Variants in PRICKLE2 observed in about 807,000 individuals in gnomAD.
The protein encoded by PRICKLE2 is prickle-like protein 2.
A neutral mutation model predicts 81.4 loss-of-function variants in PRICKLE2; 21 were observed. The observed-to-expected ratio is 0.26, with a 90% CI of 0.18 to 0.37. The LOEUF (loss-of-function observed/expected upper bound fraction) is 0.37. Among genes scored for constraint, PRICKLE2 ranks in the 10% least tolerant of loss-of-function variants. The pLI is 1.00. For synonymous variants in PRICKLE2, 456 were observed against 421.5 expected, an observed-to-expected ratio of 1.08 and a Z score of -1.00; for missense variants, 940 against 1,109.0, an observed-to-expected ratio of 0.85 and a Z score of 2.16.
At chr3:64,212,122 C>T (rs1575672564) in intron 1 of PRICKLE2, among the ~76,000 whole-genome samples, 1 of 152,208 alleles carries the variant, frequency 6.6e-6, no homozygotes, top group African/African-American at 2.4e-5. Context: ...GTCTCCATGG[C>T]AACACTACTA....
At chr3:64,263,113 C>T (rs551392393) in intron 2 of PRICKLE2, among the ~76,000 whole-genome samples, 1 of 152,202 alleles carries the variant, frequency 6.6e-6, no homozygotes, top group African/African-American at 2.4e-5. Flanking sequence ...GTTCCACGCA[C>T]ACATGGCGCC....
At chr3:64,172,958 T>C (rs146932047) in intron 2 of PRICKLE2, among the ~76,000 whole-genome samples, 1 of 152,174 alleles carries the variant, frequency 6.6e-6, no homozygotes, top group Non-Finnish European at 1.5e-5. Flanking sequence ...ACTCCAGAAC[T>C]GTGAGAAAAT....
chr3:64,186,789 G>T (rs1355688912), intron 2 of PRICKLE2, among the ~76,000 whole-genome samples: 1 of 152,168 alleles, frequency 6.6e-6, no homozygotes, highest in Non-Finnish European at 1.5e-5. Context: ...TTTGGTGGTG[G>T]ATTAATCCAA....
intron 7 of PRICKLE2, among the ~76,000 whole-genome samples, chr3:64,106,796 G>A (rs1394483357): frequency 6.6e-6 from 1 of 152,226 alleles, no homozygotes; most frequent in African/African-American, 2.4e-5. Flanking sequence ...AAGCACATGT[G>A]TGATAGGGAG....
intron 7 of PRICKLE2, chr3:64,142,046 A>G: frequency 1.5e-6 from 1 of 659,508 alleles, no homozygotes; most frequent in East Asian, 1.4e-4. Flanking sequence ...AGTGAGGGAC[A>G]GCAGCAAAAA....
intron 7 of PRICKLE2, among the ~76,000 whole-genome samples, chr3:64,103,756 G>A (rs2076706538): frequency 6.6e-6 from 1 of 152,144 alleles, no homozygotes; most frequent in South Asian, 2.1e-4. Context: ...AAGGAGGGTG[G>A]ACTGCTTGAG....
At chr3:64,160,883 T>C (rs1231597136) in intron 3 of PRICKLE2, among the ~76,000 whole-genome samples, 3 of 152,326 alleles carry the variant, frequency 2.0e-5, no homozygotes, top group African/African-American at 7.2e-5. Context: ...TTTTGGAAAC[T>C]TGGATGCATT....
At chr3:64,140,811 G>A (rs1008400264) in intron 7 of PRICKLE2, among the ~76,000 whole-genome samples, 6 of 152,236 alleles carry the variant, frequency 3.9e-5, no homozygotes, top group Admixed American at 6.5e-5. Context: ...AGCTGTGCTC[G>A]CATGCTTCTC....
intron 2 of PRICKLE2, among the ~76,000 whole-genome samples, chr3:64,235,968 A>G (rs918009494): frequency 1.2e-4 from 19 of 152,130 alleles, no homozygotes; most frequent in Admixed American, 1.0e-3. Flanking sequence ...TGGCAGGGGT[A>G]CCTGGAGAAG....
intron 7 of PRICKLE2, among the ~76,000 whole-genome samples, chr3:64,124,328 T>C (rs1206720042): frequency 6.6e-6 from 1 of 152,096 alleles, no homozygotes; most frequent in African/African-American, 2.4e-5. Flanking sequence ...CGCCATAACA[T>C]AAAAGTGCAA....
At chr3:64,113,263 A>T (rs912992938) in intron 7 of PRICKLE2, among the ~76,000 whole-genome samples, 1 of 152,122 alleles carries the variant, frequency 6.6e-6, no homozygotes, top group African/African-American at 2.4e-5. Context: ...CCTAGACTCA[A>T]CTTGTTCCCA....
intron 7 of PRICKLE2, among the ~76,000 whole-genome samples, chr3:64,144,318 TTC>T (rs1372264351): frequency 6.6e-6 from 1 of 152,194 alleles, no homozygotes; most frequent in African/African-American, 2.4e-5. Flanking sequence ...ACCTCTCCAT[TTC>T]TGTTTCTTCA....
intron 1 of PRICKLE2, among the ~76,000 whole-genome samples, chr3:64,208,438 C>T (rs547270847): frequency 8.5e-5 from 13 of 152,246 alleles, no homozygotes; most frequent in East Asian, 7.7e-4. Context: ...AGAGTCAGAA[C>T]GCCAGAAAGG....
At chr3:64,197,890 T>C (rs1427436361) in intron 2 of PRICKLE2, among the ~76,000 whole-genome samples, 1 of 152,072 alleles carries the variant, frequency 6.6e-6, no homozygotes, top group Non-Finnish European at 1.5e-5. Context: ...AAAAGCATTA[T>C]CACACCTAAA....
intron 1 of PRICKLE2, among the ~76,000 whole-genome samples, chr3:64,223,118 G>C (rs2078981033): frequency 6.6e-6 from 1 of 152,184 alleles, no homozygotes; most frequent in South Asian, 2.1e-4. Flanking sequence ...CCTTTCTGCA[G>C]GCAAATGGAT....
intron 6 of PRICKLE2, among the ~76,000 whole-genome samples, chr3:64,149,150 C>T (rs1007370492): frequency 1.3e-5 from 2 of 152,212 alleles, no homozygotes; most frequent in African/African-American, 4.8e-5. Flanking sequence ...CCTCCCACAG[C>T]CCCAGGGGTT....
chr3:64,229,398 G>A (rs1297864657), upstream of PRICKLE2, among the ~76,000 whole-genome samples: 1 of 152,140 alleles, frequency 6.6e-6, no homozygotes, highest in African/African-American at 2.4e-5. Context: ...GCTGTAATGA[G>A]GAAGGCTGCA....
chr3:64,095,482 C>A lies in PRICKLE2; in HGVS notation c.*3569G>T, dbSNP rs1391050802. The A allele has an allele frequency of 6.6e-6, 1 of 152,194 alleles. No homozygotes were observed. The highest frequency in any genetic ancestry group is 1.5e-5 in the Non-Finnish European group (1 of 68,056). 9.4% of individuals were successfully genotyped at this position (152,194 alleles called of 1,614,324 possible). A position where few individuals can be genotyped will look rare whatever the true frequency, so the allele number is the denominator to read the frequency against. ...AGTGTTGCAAAGATCTGTGAGGCTG[C>A]ATCCACATTCTCAGCAAGAGTATAC... On this transcript the variant is annotated 3_prime_UTR_variant, in exon 8 of 8. Transcript: ENST00000638394.
At chr3:64,137,740 G>A (rs991201713) in intron 7 of PRICKLE2, among the ~76,000 whole-genome samples, 3 of 152,118 alleles carry the variant, frequency 2.0e-5, no homozygotes, top group Non-Finnish European at 4.4e-5. Context: ...AAAGAAACGA[G>A]GGATGGATTC....
Sources: allele counts gnomAD v4.1 joint callset (sites outside exome capture counted in the v4.1 genomes callset), GRCh38; gene constraint gnomAD v4.1.1; transcripts MANE v1.5; gene names NCBI Gene and HGNC (gene_info 2026-07-23, HGNC 2026-07-21).